The following EIF2S3B variants were observed in gnomAD, a reference collection of about 807,000 sequenced individuals.
EIF2S3B encodes eukaryotic translation initiation factor 2 subunit gamma B.
In EIF2S3B, 16 loss-of-function variants were observed where a neutral mutation model predicts 26.4. The ratio of observed to expected loss-of-function variants is 0.61; its 90% confidence interval spans 0.41 to 0.92. The LOEUF (loss-of-function observed/expected upper bound fraction) is 0.92. Among genes scored for constraint, EIF2S3B ranks in the 40% least tolerant of loss-of-function variants. The pLI is 0.00. For missense variants in EIF2S3B, 510 were observed against 575.5 expected, an observed-to-expected ratio of 0.89 and a Z score of 1.16; for synonymous variants, 183 against 204.4, an observed-to-expected ratio of 0.90 and a Z score of 0.89.
chr12:10,508,550 GAAAA>G (rs1864672107), downstream of EIF2S3B, among the ~76,000 whole-genome samples: 1 of 66,212 alleles, frequency 1.5e-5, no homozygotes, highest in Non-Finnish European at 3.3e-5. Flanking sequence ...AAAAAAAAAA[GAAAA>G]TATATTTTCT....
At position 10,507,177 on chromosome 12, in the gene EIF2S3B, C is replaced by T. The variant is rs780864273; in HGVS notation, c.1275C>T (p.Gly425=). The change falls in exon 1 of 1, where the codon GGC becomes GGT. Residue 425 remains glycine (G), a synonymous_variant. Coordinates refer to ENST00000538173, the MANE Select transcript of EIF2S3B (RefSeq NM_001357734.3). ...TTAGTGCTGTCAAGGCCGATTTGGG[C>T]AAAATTGTTTTGACCAATCCAGTGT... is the stretch of plus-strand genomic sequence containing the variant. ...GRVSAVKADL[G]KIVLTNPVCT... 4.5e-5 allele frequency: 73 copies of T among 1,613,652 alleles called. No individual in the cohort carries two copies. In the Admixed American group the frequency reaches 4.8e-4, roughly 11 times the overall value.
At chr12:10,510,979 T>C (rs1467258634), downstream of EIF2S3B, among the ~76,000 whole-genome samples, 1 of 152,148 alleles carries the variant, frequency 6.6e-6, no homozygotes. Flanking sequence ...TCTTCTTTAG[T>C]GAAATCAAGT....
At chr12:10,515,210 G>A (rs968076847) in intron 1 of EIF2S3B, among the ~76,000 whole-genome samples, 1 of 151,714 alleles carries the variant, frequency 6.6e-6, no homozygotes, top group Non-Finnish European at 1.5e-5. Flanking sequence ...GATCTACAGG[G>A]AAGCTTTTAT....
intron 1 of EIF2S3B, among the ~76,000 whole-genome samples, chr12:10,516,023 T>C (rs1354599091): frequency 1.3e-5 from 2 of 151,760 alleles, no homozygotes; most frequent in East Asian, 3.9e-4. Context: ...AAATAAATTA[T>C]TTTAAAATTT....
At chr12:10,510,449 C>G (rs895071849), downstream of EIF2S3B, among the ~76,000 whole-genome samples, 1 of 152,178 alleles carries the variant, frequency 6.6e-6, no homozygotes, top group Non-Finnish European at 1.5e-5. Flanking sequence ...GGCATGACTT[C>G]TTACTCTCAT....
chr12:10,515,192 TC>T (rs1412003301), intron 1 of EIF2S3B, among the ~76,000 whole-genome samples: 1 of 152,094 alleles, frequency 6.6e-6, no homozygotes, highest in East Asian at 1.9e-4. Flanking sequence ...CTACTTCACA[TC>T]AATTATGATC....
chr12:10,514,724 T>C (rs1864737677), intron 1 of EIF2S3B, among the ~76,000 whole-genome samples: 1 of 152,222 alleles, frequency 6.6e-6, no homozygotes, highest in African/African-American at 2.4e-5. Context: ...CCTCAACCAC[T>C]GAATCCAATG....
At chr12:10,520,482 C>A (rs1864819094) in intron 1 of EIF2S3B, among the ~76,000 whole-genome samples, 1 of 149,856 alleles carries the variant, frequency 6.7e-6, no homozygotes, top group East Asian at 2.0e-4. Flanking sequence ...GCACATTGTG[C>A]ACATGTACCC....
chr12:10,508,433 T>C lies in EIF2S3B; in HGVS notation c.*1112T>C, dbSNP rs988382134. ...TCCTTCTAGGCCTTCATTTTATGTT[T>C]TTTCTTAACTGTTATATGATTGTGA... On this transcript the variant is annotated 3_prime_UTR_variant, in exon 1 of 1. Coordinates refer to ENST00000538173, the MANE Select transcript of EIF2S3B (RefSeq NM_001357734.3). Among the ~76,000 whole-genome samples, 10 of 151,612 alleles carry C rather than the reference T, an allele frequency of 6.6e-5. No individual in the cohort carries two copies. Among genetic ancestry groups the C allele is most frequent in the Non-Finnish European group, 1.3e-4 (9 of 67,912 alleles).
In EIF2S3B at chr12:10,518,346, A is replaced by G. The variant is rs1864788536; in HGVS notation, c.1309-4257A>G. 3.3e-5 allele frequency among the ~76,000 whole-genome samples: 5 copies of G among 152,218 alleles called. No homozygotes were observed. The South Asian group carries it at 1.0e-3, about 32-fold the overall frequency. On this transcript the variant is annotated intron_variant, in intron 1 of 1. Coordinates refer to the EIF2S3B transcript ENST00000322446. ...GTTAGCTCTTCTTGATCCCTTTACC[A>G]TTAGGTAATGGCCTTCTTTGTGTCT...
At chr12:10,517,565 C>G (rs530410701) in intron 1 of EIF2S3B, among the ~76,000 whole-genome samples, 31 of 152,270 alleles carry the variant, frequency 2.0e-4, no homozygotes, top group Middle Eastern at 3.4e-3. Context: ...AAACCAGCTC[C>G]TGGATCCATT....
rs1437223772 is a variant in EIF2S3B, at chr12:10,506,281, G to A, written c.379G>A (p.Val127Ile). The change falls in exon 1 of 1, where the codon GTC (valine) becomes ATC (isoleucine). Residue 127 changes from valine (V) to isoleucine (I), a missense_variant. Physicochemically the swap from Val to Ile is conservative, Grantham distance 29 (BLOSUM62 3). Transcript: ENST00000538173. ...AGGAACCAAAGGGAACTTCAGATTA[G>A]TCAGACATGTTTCCTTTGTTGACTG... ...IPGTKGNFRLVRHVSFVDCPG... is the reference protein window; with the variant it reads ...IPGTKGNFRLIRHVSFVDCPG... 6.2e-7 allele frequency: 1 copy of A among 1,614,000 alleles called. No individual in the cohort carries two copies. Among genetic ancestry groups the A allele is most frequent in the Admixed American group, 1.7e-5 (1 of 60,018 alleles).
intron 1 of EIF2S3B, among the ~76,000 whole-genome samples, chr12:10,521,246 T>G (rs1463470351): frequency 6.6e-6 from 1 of 152,168 alleles, no homozygotes; most frequent in Non-Finnish European, 1.5e-5. Flanking sequence ...CTTCCTGATC[T>G]TATCCATTTA....
intron 1 of EIF2S3B, among the ~76,000 whole-genome samples, chr12:10,515,019 C>T (rs1413524692): frequency 6.6e-6 from 1 of 152,052 alleles, no homozygotes; most frequent in Non-Finnish European, 1.5e-5. Context: ...GTGCAAAAGA[C>T]CCTCATGAAG....
chr12:10,513,575 C>G (rs1366553185), intron 1 of EIF2S3B, among the ~76,000 whole-genome samples: 1 of 152,166 alleles, frequency 6.6e-6, no homozygotes, highest in African/African-American at 2.4e-5. Flanking sequence ...TGTAAATATT[C>G]CTGTAAATTT....
chr12:10,514,113 A>T (rs1045132052), intron 1 of EIF2S3B, among the ~76,000 whole-genome samples: 4 of 152,268 alleles, frequency 2.6e-5, no homozygotes, highest in African/African-American at 9.6e-5. Flanking sequence ...TTAAAAAATA[A>T]TTTTTTTGAA....
chr12:10,508,550 G>C (rs924349122), downstream of EIF2S3B, among the ~76,000 whole-genome samples: 2 of 66,212 alleles, frequency 3.0e-5, no homozygotes, highest in Admixed American at 1.5e-4. Flanking sequence ...AAAAAAAAAA[G>C]AAAATATATT....
At chr12:10,508,554 A>AAAAT (rs1864672196), downstream of EIF2S3B, among the ~76,000 whole-genome samples, 1 of 149,620 alleles carries the variant, frequency 6.7e-6, no homozygotes, top group Admixed American at 6.6e-5. Context: ...AAAAAAGAAA[A>AAAAT]TATATTTTCT....
intron 1 of EIF2S3B, among the ~76,000 whole-genome samples, chr12:10,519,454 G>C (rs1387326710): frequency 3.3e-5 from 5 of 151,850 alleles, no homozygotes; most frequent in African/African-American, 4.8e-5. Flanking sequence ...CATGGGCAAG[G>C]ACTTCATGTC....
Sources: gnomAD v4.1 joint callset for allele counts (sites outside exome capture counted in the v4.1 genomes callset) on GRCh38, gnomAD v4.1.1 for gene constraint, MANE v1.5 for transcripts, NCBI Gene and HGNC (gene_info 2026-07-23, HGNC 2026-07-21) for gene names.